RBFOX1: variants seen among roughly 807,000 people sequenced by gnomAD.
RBFOX1 encodes RNA binding fox-1 homolog 1, also known as RNA binding protein fox-1 homolog 1.
In RBFOX1, 8 loss-of-function variants were observed where a neutral mutation model predicts 57.7. The ratio of observed to expected loss-of-function variants is 0.14; its 90% CI spans 0.08 to 0.25. The LOEUF is 0.25. Ranked by LOEUF, RBFOX1 falls within the 10% of genes least tolerant of loss-of-function variation. The pLI is 1.00. For missense variants in RBFOX1, 611 were observed against 548.5 expected (o/e 1.11, Z -1.14); for synonymous variants, 326 against 222.4 (o/e 1.47, Z -4.15).
In RBFOX1 at chr16:7,287,095, C is replaced by G. The variant is rs912007822; in HGVS notation, c.28-231052C>G. On this transcript the variant is annotated intron_variant, in intron 4 of 15. Coordinates refer to ENST00000550418, the MANE Select transcript of RBFOX1 (RefSeq NM_018723.4). ...ACTTTGTTCCAAGATCATTATGGTCCCAGAGTGTGACATAAATATTGGTGA... is the reference window on the plus strand; with the variant it reads ...ACTTTGTTCCAAGATCATTATGGTCGCAGAGTGTGACATAAATATTGGTGA... Among the ~76,000 whole-genome samples, 7 of 152,154 alleles carry G rather than the reference C, an allele frequency of 4.6e-5. No individual in the cohort carries two copies. The South Asian group carries it at 1.5e-3, about 32-fold the overall frequency.
At chr16:5,600,178 G>C (rs1217370849), downstream of RBFOX1, 1 of 151,396 alleles carries the variant, frequency 6.6e-6, no homozygotes, top group African/African-American at 2.4e-5. Flanking sequence ...TCAGGTGCCT[G>C]TAGTCCCAGC....
chr16:5,817,673 C>G (rs1405042936), intron 3 of RBFOX1, among the ~76,000 whole-genome samples: 1 of 150,442 alleles, frequency 6.6e-6, no homozygotes, highest in African/African-American at 2.4e-5. Flanking sequence ...GACAGGGTGC[C>G]TGCAGTGATG....
rs530813171 is a variant in RBFOX1, at chr16:6,788,710, C to T, written c.-16+134060C>T. Reference sequence around the variant, plus strand: ...CAGGATGGTCTCTATCTCCTGATCTCGTGATCCGCCCGCCTCGGCCTCCCA... The same window carrying T: ...CAGGATGGTCTCTATCTCCTGATCTTGTGATCCGCCCGCCTCGGCCTCCCA... On this transcript the variant is annotated intron_variant, in intron 3 of 15. Coordinates refer to ENST00000550418, the MANE Select transcript of RBFOX1 (RefSeq NM_018723.4). Among the ~76,000 whole-genome samples, 13 of 151,602 alleles carry T rather than the reference C, an allele frequency of 8.6e-5. No individual in the cohort carries two copies. The East Asian group carries it at 2.6e-3, about 30-fold the overall frequency.
chr16:7,393,796 G>A (rs948884699), intron 4 of RBFOX1, among the ~76,000 whole-genome samples: 1 of 152,162 alleles, frequency 6.6e-6, no homozygotes, highest in Non-Finnish European at 1.5e-5. Context: ...CTTTACTCCA[G>A]GCATCTCTGG....
chr16:7,478,683 C>T (rs904889019), intron 4 of RBFOX1, among the ~76,000 whole-genome samples: 9 of 152,140 alleles, frequency 5.9e-5, no homozygotes, highest in South Asian at 2.1e-4. Context: ...GCAACAAAAA[C>T]CTCAACCTCT....
At chr16:7,424,735 G>A (rs75894103) in intron 4 of RBFOX1, among the ~76,000 whole-genome samples, 1 of 152,130 alleles carries the variant, frequency 6.6e-6, no homozygotes, top group Non-Finnish European at 1.5e-5. Context: ...GACAGTTTGG[G>A]ATCATAGTAT....
chr16:7,676,384 G>C (rs977327947), intron 13 of RBFOX1, among the ~76,000 whole-genome samples: 2 of 152,182 alleles, frequency 1.3e-5, no homozygotes, highest in African/African-American at 2.4e-5. Context: ...TAAAATTTAA[G>C]TTAATATCTG....
intron 4 of RBFOX1, among the ~76,000 whole-genome samples, chr16:7,326,711 T>C (rs768910990): frequency 3.9e-5 from 6 of 152,094 alleles, no homozygotes; most frequent in Non-Finnish European, 5.9e-5. Context: ...TATATCGTCC[T>C]TAATCAGAAA....
intron 3 of RBFOX1, among the ~76,000 whole-genome samples, chr16:5,698,768 G>T (rs1302887165): frequency 6.6e-6 from 1 of 152,142 alleles, no homozygotes; most frequent in African/African-American, 2.4e-5. Flanking sequence ...ATTTGTTTAT[G>T]AAAAGGAATG....
At chr16:7,387,471 A>T (rs2148277651) in intron 4 of RBFOX1, among the ~76,000 whole-genome samples, 1 of 152,318 alleles carries the variant, frequency 6.6e-6, no homozygotes, top group East Asian at 1.9e-4. Context: ...ATAGATGTAC[A>T]ATAGCTGTCA....
intron 3 of RBFOX1, among the ~76,000 whole-genome samples, chr16:5,625,535 G>GTTAT (rs71404538): frequency 0.21 from 30,220 of 142,818 alleles, 3,503 homozygotes; most frequent in East Asian, 0.33. Context: ...AATATTTTTT[G>GTTAT]TTATTTATTT....
chr16:7,055,739 G>A (rs2051967366), intron 4 of RBFOX1, among the ~76,000 whole-genome samples: 1 of 152,184 alleles, frequency 6.6e-6, no homozygotes, highest in East Asian at 1.9e-4. Flanking sequence ...CTGCACAAAA[G>A]TAGGATTTAC....
At chr16:6,404,636 T>G (rs865780851) in intron 2 of RBFOX1, among the ~76,000 whole-genome samples, 81 of 152,244 alleles carry the variant, frequency 5.3e-4, no homozygotes, top group African/African-American at 1.9e-3. Flanking sequence ...CGGGGAGGTT[T>G]TCATGGACGC....
intron 3 of RBFOX1, among the ~76,000 whole-genome samples, chr16:6,987,781 C>T (rs896224189): frequency 3.3e-5 from 5 of 152,144 alleles, no homozygotes; most frequent in Non-Finnish European, 2.9e-5. Context: ...AGAATAAGAA[C>T]GAACATTGTA....
intron 2 of RBFOX1, among the ~76,000 whole-genome samples, chr16:6,527,271 A>T (rs1436387589): frequency 6.6e-6 from 1 of 152,020 alleles, no homozygotes; most frequent in Non-Finnish European, 1.5e-5. Flanking sequence ...TATTTTTTGT[A>T]TTGTCTGTAT....
intron 4 of RBFOX1, among the ~76,000 whole-genome samples, chr16:7,258,932 A>C (rs1447692131): frequency 6.6e-6 from 1 of 152,212 alleles, no homozygotes; most frequent in Non-Finnish European, 1.5e-5. Context: ...TGAAGTTTTT[A>C]GATGGAAGAA....
intron 1 of RBFOX1, among the ~76,000 whole-genome samples, chr16:5,318,722 C>T (rs964520817): frequency 6.6e-5 from 10 of 152,158 alleles, no homozygotes; most frequent in South Asian, 2.1e-4. Flanking sequence ...GTTATCCAAA[C>T]GGTAACTTAG....
chr16:7,234,812 A>T (rs1228690768), intron 4 of RBFOX1, among the ~76,000 whole-genome samples: 2 of 152,106 alleles, frequency 1.3e-5, no homozygotes, highest in Non-Finnish European at 2.9e-5. Flanking sequence ...TTCCAAAAAT[A>T]TGCAAGGCAC....
At chr16:5,900,600 C>A (rs557837617) in intron 4 of RBFOX1, among the ~76,000 whole-genome samples, 1 of 152,138 alleles carries the variant, frequency 6.6e-6, no homozygotes, top group Non-Finnish European at 1.5e-5. Flanking sequence ...GTTCCTCATC[C>A]GTATTCTTCC....
Sources: gnomAD v4.1 joint callset for allele counts (sites outside exome capture counted in the v4.1 genomes callset) on GRCh38, gnomAD v4.1.1 for gene constraint, MANE v1.5 for transcripts, NCBI Gene and HGNC (gene_info 2026-07-23, HGNC 2026-07-21) for gene names.